MUC4: variants seen among roughly 807,000 people sequenced by gnomAD.
MUC4 encodes the protein mucin-4.
MUC4 carries 202 observed loss-of-function variants against 257.9 expected under a neutral mutation model. That is an observed-to-expected ratio of 0.78 (90% confidence interval 0.70 to 0.88). The LOEUF (loss-of-function observed/expected upper bound fraction) is 0.88, where lower values mean the gene tolerates loss of function less well. Among genes scored for constraint, MUC4 ranks in the 40% least tolerant of loss-of-function variants. The pLI is 0.00. For missense variants in MUC4, 5,976 were observed against 6,513.7 expected, an observed-to-expected ratio of 0.92 and a Z score of 2.84; for synonymous variants, 2,351 against 2,757.1, an observed-to-expected ratio of 0.85 and a Z score of 4.62.
At chr3:195,748,810 G>A (rs867800412) in intron 24 of MUC4, 92 bp downstream of exon 24, 12 of 1,415,360 alleles carry the variant, frequency 8.5e-6, no homozygotes, top group African/African-American at 2.9e-5. Flanking sequence ...CTGATCTCTC[G>A]AGCCATCCTA....
chr3:195,779,975 G>A lies in MUC4; in HGVS notation c.11605C>T (p.His3869Tyr). 1 of 1,437,950 alleles carries A rather than the reference G, an allele frequency of 7.0e-7. No homozygotes were observed. The highest frequency in any genetic ancestry group is 9.2e-7 in the Non-Finnish European group (1 of 1,087,752). The allele number at this position is 1,437,950 out of a possible 1,614,324, so 89.1% of individuals were successfully genotyped here. ...CCGGTAACAGGAAGAGGGGTGGCGTGACCTGTGGATGCTGAGGAAGGGCTA... is the reference window on the plus strand; with the variant it reads ...CCGGTAACAGGAAGAGGGGTGGCGTAACCTGTGGATGCTGAGGAAGGGCTA... Reference protein sequence around the residue: ...VTSPSSASTGHATPLPVTGLS... With the variant: ...VTSPSSASTGYATPLPVTGLS... The change falls in exon 2 of 25, where the codon CAC becomes TAC. Residue 3869 changes from histidine to tyrosine, a missense_variant. Around this residue, in one of 44 missense-constraint regions of MUC4, gnomAD observed 330 missense variants for 262.0 expected, o/e 1.26. Transcript: ENST00000463781.
Position 195,799,260 on chromosome 3 carries a change from T to TGTGTGTGTGTGAGAGA in MUC4, c.83-7764_83-7763insTCTCTCACACACACAC, listed in dbSNP as rs1553889795. On this transcript the variant is annotated intron_variant, in intron 1 of 24. Coordinates refer to ENST00000463781, the MANE Select transcript of MUC4 (RefSeq NM_018406.7). ...GTGTGTGTGTGTGTGTGTGTGTGTG[T>TGTGTGTGTGTGAGAGA]GACACTGTGTGTGTGTGTCCCTGCC... 2.9e-3 allele frequency among the ~76,000 whole-genome samples: 435 copies of TGTGTGTGTGTGAGAGA among 149,220 alleles called. 2 individuals carry two copies. The highest frequency in any genetic ancestry group is 0.012 in the East Asian group (60 of 5,066).
chr3:195,752,237 G>C, intron 21 of MUC4, 136 bp downstream of exon 21: 1 of 807,254 alleles, frequency 1.2e-6, no homozygotes, highest in Non-Finnish European at 2.1e-6. Context: ...ACCTCCCATG[G>C]GGCAAGAGGC....
chr3:195,775,085 A>G (rs1256346558), intron 3 of MUC4, among the ~76,000 whole-genome samples: 1 of 151,934 alleles, frequency 6.6e-6, no homozygotes, highest in Non-Finnish European at 1.5e-5. Context: ...CCTTGTCCCA[A>G]ATATTTCTCG....
chr3:195,767,792 G>A (rs1315109195), intron 7 of MUC4, among the ~76,000 whole-genome samples: 1 of 32,888 alleles, frequency 3.0e-5, no homozygotes, highest in African/African-American at 1.1e-4. Flanking sequence ...CACCATCATT[G>A]CCACCACCAT....
At chr3:195,767,463 T>TACCACCACCATCACC (rs1720839507) in intron 7 of MUC4, among the ~76,000 whole-genome samples, 1 of 37,272 alleles carries the variant, frequency 2.7e-5, no homozygotes, top group Admixed American at 2.4e-4. Context: ...CCACCAACAC[T>TACCACCACCATCACC]ACCACCACCA....
intron 15 of MUC4, 131 bp downstream of exon 15, chr3:195,761,353 C>G: frequency 1.2e-6 from 1 of 855,982 alleles, no homozygotes; most frequent in South Asian, 1.6e-5. Flanking sequence ...TGGGGACAGC[C>G]CTGGGGGGGC....
chr3:195,759,125 A>G lies in MUC4; in HGVS notation c.14985T>C (p.Phe4995=). Residue 4995 remains phenylalanine (F), a splice_region_variant and synonymous_variant, in exon 17 of 25, where the codon TTT becomes TTC. Transcript: ENST00000463781. ...LRDSCTDLEL[F]ENGTLLWTPK... ...CCCCAGCCAGCCAAATAGTCCTACC[A>G]AAGAGCTCCAAGTCGGTGCAGCTGT... 7 of 1,613,430 alleles carry G rather than the reference A, an allele frequency of 4.3e-6. No homozygotes were observed. Among genetic ancestry groups the G allele is most frequent in the Non-Finnish European group, 5.1e-6 (6 of 1,179,692 alleles).
intron 1 of MUC4, among the ~76,000 whole-genome samples, chr3:195,807,335 T>A (rs567532868): frequency 6.6e-6 from 1 of 151,974 alleles, no homozygotes; most frequent in Non-Finnish European, 1.5e-5. Context: ...CGCTGTGGTG[T>A]TGGGCGTCTA....
In MUC4 at chr3:195,761,026, GT is replaced by G. The variant is rs766716021; in HGVS notation, c.14705del (p.Asn4902ThrfsTer8). 1.2e-6 allele frequency: 2 copies of G among 1,614,190 alleles called. No homozygotes were observed. The highest frequency in any genetic ancestry group is 1.7e-6 in the Non-Finnish European group (2 of 1,180,014). On this transcript the variant is annotated frameshift_variant, in exon 16 of 25. Transcript: ENST00000463781. LOFTEE classifies it high-confidence loss of function. ...TPVFYSQLQKNSSWAEHLISN... is the reference protein window; with the variant it reads ...TPVFYSQLQKXSSWAEHLISN... Reference sequence around the variant, plus strand: ...AGATCAAATGTTCAGCCCAGGAGCTGTTTTTTTGCAGTTGTGAGTAGAAAAC... The same window carrying G: ...AGATCAAATGTTCAGCCCAGGAGCTGTTTTTTGCAGTTGTGAGTAGAAAAC...
In MUC4 at chr3:195,791,514, T is replaced by C. The variant is rs1185781914; in HGVS notation, c.83-17A>G. The C allele has an allele frequency of 1.2e-5, 19 of 1,541,942 alleles. No homozygotes were observed. Among genetic ancestry groups the C allele is most frequent in the Non-Finnish European group, 1.6e-5 (18 of 1,117,220 alleles). On this transcript the variant is annotated splice_polypyrimidine_tract_variant and intron_variant, in intron 1 of 24. Transcript: ENST00000463781. ...CTGTGGTTCCTGGAGTGAACCAAAA[T>C]AGGCAAGCAGAGAGCTAAATCATGA...
In MUC4 at chr3:195,786,899, C is replaced by G. The variant is rs1191222133; in HGVS notation, c.4681G>C (p.Val1561Leu). 1.3e-6 allele frequency: 2 copies of G among 1,500,876 alleles called. No individual in the cohort carries two copies. Among genetic ancestry groups the G allele is most frequent in the Admixed American group, 2.1e-5 (1 of 47,890 alleles). 93.0% of individuals were successfully genotyped at this position (1,500,876 alleles called of 1,614,324 possible). The change falls in exon 2 of 25, where the codon GTA (valine) becomes CTA (leucine). Residue 1561 changes from valine (V) to leucine (L), a missense_variant. Physicochemically the swap from Val to Leu is conservative, Grantham distance 32 (BLOSUM62 1). Around this residue, in one of 44 missense-constraint regions of MUC4, gnomAD observed 63 missense variants for 68.8 expected, o/e 0.92. Coordinates refer to ENST00000463781, the MANE Select transcript of MUC4 (RefSeq NM_018406.7). ...TPLPVTDASS[V>L]STGHTTPLPV... ...AGAGGGGTGGTGTGACCTGTGGATA[C>G]TGAGGAAGCGTCGGTGACAGGAAGA...
In MUC4 at chr3:195,778,385, G is replaced by C; in HGVS notation, c.12861C>G (p.Ser4287=). 2 of 1,613,318 alleles carry C rather than the reference G, an allele frequency of 1.2e-6. No individual in the cohort carries two copies. The highest frequency in any genetic ancestry group is 1.7e-4 in the Middle Eastern group (1 of 5,944). ...TGGGAATGGTGGAAATGATGGTCTG[G>C]GAGGTTGTGGGGGGTGGTGATGTGG... The part of the protein sequence containing the change: ...RTATSPPPTT[S]QTIISTIPST... Residue 4287 remains serine, a synonymous_variant, in exon 3 of 25, where the codon TCC becomes TCG. Transcript: ENST00000463781.
At position 195,749,041 on chromosome 3, in the gene MUC4, A is replaced by C; in HGVS notation, c.15895T>G (p.Tyr5299Asp). The change falls in exon 24 of 25, where the codon TAC (tyrosine) becomes GAC (aspartate). Residue 5299 changes from tyrosine to aspartate, a missense_variant. Tyr to Asp is a radical substitution (Grantham distance 160, BLOSUM62 -3). Around this residue, in one of 44 missense-constraint regions of MUC4, gnomAD observed 310 missense variants for 242.1 expected, o/e 1.28. Transcript: ENST00000463781. ...TALNVSTLKAYFRCDGYKGYD... is the reference protein window; with the variant it reads ...TALNVSTLKADFRCDGYKGYD... ...CCCTTGTAGCCATCGCATCTGAAGT[A>C]AGCCTTCAGCGTGCTCACGTTCACT... The C allele has an allele frequency of 6.2e-7, 1 of 1,606,744 alleles. No individual in the cohort carries two copies. The highest frequency in any genetic ancestry group is 8.5e-7 in the Non-Finnish European group (1 of 1,175,632).
At position 195,781,867 on chromosome 3, in the gene MUC4, G is replaced by GCGTC. The variant is rs1560326664; in HGVS notation, c.9712_9713insGACG (p.Pro3238ArgfsTer25). ...GGCATGACCGGTGGATGCTGAGGAAGGGCTAGTGACAGGAAGAGGCGTGGT... is the reference window on the plus strand; with the variant it reads ...GGCATGACCGGTGGATGCTGAGGAAGCGTCGGCTAGTGACAGGAAGAGGCGTGGT... On this transcript the variant is annotated frameshift_variant, in exon 2 of 25. Transcript: ENST00000463781. LOFTEE classifies it high-confidence loss of function. The GCGTC allele has an allele frequency of 2.1e-6, 2 of 932,528 alleles. No individual in the cohort carries two copies. Among genetic ancestry groups the GCGTC allele is most frequent in the African/African-American group, 4.4e-5 (2 of 45,044 alleles). 57.8% of individuals were successfully genotyped at this position (932,528 alleles called of 1,614,324 possible).
intron 1 of MUC4, among the ~76,000 whole-genome samples, chr3:195,795,191 A>G (rs942573603): frequency 2.0e-5 from 3 of 152,232 alleles, no homozygotes; most frequent in African/African-American, 7.2e-5. Flanking sequence ...AACATAATTA[A>G]GAGCATTTGT....
At chr3:195,754,109 A>G (rs1460784303) in intron 19 of MUC4, 104 bp downstream of exon 19, 1 of 1,411,728 alleles carries the variant, frequency 7.1e-7, no homozygotes, top group East Asian at 2.4e-5. Flanking sequence ...CATTCTAAAG[A>G]TCTGCTGGAA....
intron 3 of MUC4, among the ~76,000 whole-genome samples, chr3:195,774,569 T>G (rs549493125): frequency 6.6e-6 from 1 of 152,300 alleles, no homozygotes; most frequent in South Asian, 2.1e-4. Flanking sequence ...CAGCAAACGA[T>G]TCTCAATCTC....
chr3:195,778,260 C>T (rs1725458452), intron 3 of MUC4, 43 bp downstream of exon 3: 16 of 1,543,994 alleles, frequency 1.0e-5, no homozygotes, highest in Non-Finnish European at 1.4e-5. Context: ...CCTTCAGTTA[C>T]ATCACCCCTC....
Sources: gnomAD v4.1 joint callset for allele counts (sites outside exome capture counted in the v4.1 genomes callset) on GRCh38, gnomAD v4.1.1 for gene constraint, gnomAD v4.1.1 regional missense constraint, MANE v1.5 for transcripts, NCBI Gene and HGNC (gene_info 2026-07-23, HGNC 2026-07-21) for gene names.